The following PCDHGA4 variants were observed in gnomAD, a reference collection of about 807,000 sequenced individuals.
The protein encoded by PCDHGA4 is protocadherin gamma subfamily A, 4.
In PCDHGA4, 38 loss-of-function variants were observed where a neutral mutation model predicts 54.6. The ratio of observed to expected loss-of-function variants is 0.70; its 90% CI spans 0.54 to 0.91. PCDHGA4 has a LOEUF of 0.91. PCDHGA4 is among the 40% of genes least tolerant of loss of function. PCDHGA4 has a pLI of 0.00. For synonymous variants in PCDHGA4, 511 were observed against 512.9 expected (o/e 1.00, Z 0.05); for missense variants, 1,298 against 1,220.9 (o/e 1.06, Z -0.94).
rs1299607088 is a variant in PCDHGA4 at position 141,472,933 on chromosome 5, C to T, written c.2515-21874C>T. ...CCCAAGAGGAGGAGGTTGTGGTGAG[C>T]CAAGATTATGCCATTGCACTCCAGC... On this transcript the variant is annotated intron_variant, in intron 1 of 3. Coordinates refer to ENST00000571252, the MANE Select transcript of PCDHGA4 (RefSeq NM_018917.4). Among the ~76,000 whole-genome samples, 4 of 143,758 alleles carry T rather than the reference C, an allele frequency of 2.8e-5. No individual in the cohort carries two copies. In the Admixed American group the frequency reaches 2.9e-4, roughly 10 times the overall value. 94.3% of individuals were successfully genotyped at this position (143,758 alleles called of 152,430 possible). A position where few individuals can be genotyped will look rare whatever the true frequency, so the allele number is the denominator to read the frequency against.
At chr5:141,390,204 G>A in intron 1 of PCDHGA4, 1 of 1,614,036 alleles carries the variant, frequency 6.2e-7, no homozygotes, top group Non-Finnish European at 8.5e-7. Flanking sequence ...GTTGAGTTCA[G>A]GACAAGACAT....
chr5:141,413,150 T>C, intron 1 of PCDHGA4: 1 of 1,573,292 alleles, frequency 6.4e-7, no homozygotes. Context: ...AGTGAGGACT[T>C]TGCAGAATTC....
Position 141,477,889 on chromosome 5 carries a change from A to T in PCDHGA4, c.2515-16918A>T. 1 of 1,614,152 alleles carries T rather than the reference A, an allele frequency of 6.2e-7. No homozygotes were observed. Among genetic ancestry groups the T allele is most frequent in the Admixed American group, 1.7e-5 (1 of 60,016 alleles). On this transcript the variant is annotated intron_variant, in intron 1 of 3. Coordinates refer to ENST00000571252, the MANE Select transcript of PCDHGA4 (RefSeq NM_018917.4). This position sits in a 1 kb window ranked among gnomAD's most constrained non-coding sequence, Gnocchi z 4.9. The stretch of plus-strand genomic sequence containing the variant: ...GTACCTCAGCTGGCCACCTAGTGTC[A>T]CGGGTGGTAGGCTGGGACGCGGATG...
chr5:141,360,101 C>A lies in PCDHGA4; in HGVS notation c.2514+2480C>A. On this transcript the variant is annotated intron_variant, in intron 1 of 3. Coordinates refer to ENST00000571252, the MANE Select transcript of PCDHGA4 (RefSeq NM_018917.4). ...TTCTGCCATCCCCGGAAGGCTTATT[C>A]CTCCTATGGGCAAAGGAGCAAAGGG... 4.6e-6 allele frequency: 7 copies of A among 1,533,060 alleles called. No homozygotes were observed. The Middle Eastern group carries it at 5.4e-4, about 118-fold the overall frequency. The allele number at this position is 1,533,060 out of a possible 1,614,324, so 95.0% of individuals were successfully genotyped here.
chr5:141,472,071 A>T (rs1243864250), intron 1 of PCDHGA4, among the ~76,000 whole-genome samples: 5 of 152,200 alleles, frequency 3.3e-5, no homozygotes, highest in South Asian at 2.1e-4. Context: ...GTCTGTGGTT[A>T]TATCAATGAG....
At chr5:141,400,400 C>A (rs375490385) in intron 1 of PCDHGA4, 2 of 1,614,000 alleles carry the variant, frequency 1.2e-6, no homozygotes, top group Admixed American at 3.3e-5. Flanking sequence ...ACAGGAAAGA[C>A]GGAGTTTAAT....
At chr5:141,478,478 A>T (rs764926007) in intron 1 of PCDHGA4, 2 of 1,613,740 alleles carry the variant, frequency 1.2e-6, no homozygotes, top group East Asian at 4.5e-5. Flanking sequence ...CCGCCAGAAC[A>T]CGCTGCGGAG....
chr5:141,425,835 T>C (rs536839515), intron 1 of PCDHGA4, among the ~76,000 whole-genome samples: 1 of 152,256 alleles, frequency 6.6e-6, no homozygotes, highest in Admixed American at 6.5e-5. Flanking sequence ...TTTTAAATTC[T>C]CTTTGCTGGG....
At chr5:141,494,195 C>T in intron 1 of PCDHGA4, among the ~76,000 whole-genome samples, 1 of 152,188 alleles carries the variant, frequency 6.6e-6, no homozygotes, top group Non-Finnish European at 1.5e-5. Flanking sequence ...GACTTGGATG[C>T]CCCGCAAAGG....
At chr5:141,372,236 C>T (rs777727544) in intron 1 of PCDHGA4, 44 of 1,613,204 alleles carry the variant, frequency 2.7e-5, no homozygotes, top group Non-Finnish European at 3.6e-5. Flanking sequence ...CCAGCGAGCC[C>T]GGGCTGTTCA....
At chr5:141,423,022 T>C in intron 1 of PCDHGA4, 1 of 1,614,194 alleles carries the variant, frequency 6.2e-7, no homozygotes, top group Non-Finnish European at 8.5e-7. Flanking sequence ...GGACAAAGAT[T>C]CAGGCCAGAA....
intron 1 of PCDHGA4, chr5:141,400,321 G>T (rs190006023): frequency 1.9e-6 from 3 of 1,614,064 alleles, no homozygotes; most frequent in East Asian, 2.2e-5. Context: ...TGTCAAGTCT[G>T]GACCTGTGGT....
In PCDHGA4 at chr5:141,398,940, G is replaced by C. The variant is rs781438773; in HGVS notation, c.2514+41319G>C. 6.2e-7 allele frequency: 1 copy of C among 1,613,944 alleles called. No individual in the cohort carries two copies. Among genetic ancestry groups the C allele is most frequent in the Middle Eastern group, 1.7e-4 (1 of 6,060 alleles). ...AAGTGTCAGCCACTGACCAAGACGAGGGCATCAACTCAGAAATTACTTATT... is the reference window on the plus strand; with the variant it reads ...AAGTGTCAGCCACTGACCAAGACGACGGCATCAACTCAGAAATTACTTATT... On this transcript the variant is annotated intron_variant, in intron 1 of 3. Transcript: ENST00000571252.
At position 141,374,284 on chromosome 5, in the gene PCDHGA4, C is replaced by A. The variant is rs756823871; in HGVS notation, c.2514+16663C>A. ...TGGCGGAGCACGGAGTCCGCATCGT[C>A]TCCAGAGGTAGGATGCAGCTTTTCT... is the stretch of plus-strand genomic sequence containing the variant. On this transcript the variant is annotated intron_variant, in intron 1 of 3. Transcript: ENST00000571252. The A allele has an allele frequency of 3.7e-6, 6 of 1,613,880 alleles. No individual in the cohort carries two copies. In the Admixed American group the frequency reaches 8.3e-5, roughly 22 times the overall value.
chr5:141,400,352 G>A (rs1214813312), intron 1 of PCDHGA4: 2 of 1,614,044 alleles, frequency 1.2e-6, no homozygotes, highest in Non-Finnish European at 1.7e-6. Flanking sequence ...TACAGTCAGG[G>A]GACTTTGCCT....
rs545524357 is a variant in PCDHGA4, at chr5:141,467,902, G to A, written c.2515-26905G>A. ...TCAAACTCCTGAGCTCAAGAAATCC[G>A]CCCACCTCAGCCTCCCAAAATGCTA... On this transcript the variant is annotated intron_variant, in intron 1 of 3. Coordinates refer to ENST00000571252, the MANE Select transcript of PCDHGA4 (RefSeq NM_018917.4). 1.1e-4 allele frequency among the ~76,000 whole-genome samples: 16 copies of A among 151,862 alleles called. No homozygotes were observed. The East Asian group carries it at 2.3e-3, about 22-fold the overall frequency.
chr5:141,390,373 AT>A, intron 1 of PCDHGA4: 1 of 1,481,206 alleles, frequency 6.8e-7, no homozygotes, highest in Non-Finnish European at 9.2e-7. Flanking sequence ...AAAATATATA[AT>A]TTTTAGATGT....
At chr5:141,367,089 CT>C in intron 1 of PCDHGA4, 1 of 258,634 alleles carries the variant, frequency 3.9e-6, no homozygotes, top group East Asian at 1.0e-4. Context: ...ATATTGTTCT[CT>C]TTTGAGTGTC....
intron 1 of PCDHGA4, among the ~76,000 whole-genome samples, chr5:141,406,072 C>CTTT (rs530474569): frequency 7.1e-6 from 1 of 141,484 alleles, no homozygotes. Flanking sequence ...ATTCTTACTC[C>CTTT]TTTTTTTTTT....
Sources: allele counts gnomAD v4.1 joint callset (sites outside exome capture counted in the v4.1 genomes callset), GRCh38; gene constraint gnomAD v4.1.1; non-coding constraint Gnocchi (gnomAD v3.1); transcripts MANE v1.5; gene names NCBI Gene and HGNC (gene_info 2026-07-23, HGNC 2026-07-21).